Variants in ASIC2 observed in about 807,000 individuals in gnomAD.
ASIC2 encodes acid-sensing ion channel 2.
A neutral mutation model predicts 57.3 loss-of-function variants in ASIC2; 25 were observed. The observed-to-expected ratio is 0.44, with a 90% confidence interval of 0.32 to 0.61. The LOEUF (loss-of-function observed/expected upper bound fraction) is 0.61, where lower values mean the gene tolerates loss of function less well. Among genes scored for constraint, ASIC2 ranks in the 20% least tolerant of loss-of-function variants. ASIC2 has a pLI of 0.06. For missense variants in ASIC2, 641 were observed against 738.1 expected, an observed-to-expected ratio of 0.87 and a Z score of 1.52; for synonymous variants, 319 against 307.5, an observed-to-expected ratio of 1.04 and a Z score of -0.39.
rs1913831186 is a variant in ASIC2, at chr17:33,853,509, C to T, written c.555+302469G>A. Reference sequence around the variant, plus strand: ...CTGTAAAGGGACAATGTGACCTGGACCGTCTCTAAGCGACAACTCCAGTTC... The same window carrying T: ...CTGTAAAGGGACAATGTGACCTGGATCGTCTCTAAGCGACAACTCCAGTTC... On this transcript the variant is annotated intron_variant, in intron 1 of 9. Coordinates refer to the ASIC2 transcript ENST00000359872. Among the ~76,000 whole-genome samples the T allele has an allele frequency of 2.0e-5, 3 of 152,166 alleles. No individual in the cohort carries two copies. In the South Asian group the frequency reaches 6.2e-4, roughly 32 times the overall value.
intron 1 of ASIC2, among the ~76,000 whole-genome samples, chr17:34,127,598 A>G (rs1911826216): frequency 3.3e-5 from 5 of 152,088 alleles, no homozygotes; most frequent in Admixed American, 3.3e-4. Context: ...GAAGGCATGG[A>G]GTGCAGGGAC....
intron 1 of ASIC2, among the ~76,000 whole-genome samples, chr17:34,138,390 C>G (rs1288766992): frequency 1.3e-5 from 2 of 152,102 alleles, no homozygotes; most frequent in Non-Finnish European, 2.9e-5. Context: ...CCTTTGCTGC[C>G]CCACCTCTCC....
chr17:33,876,684 C>T (rs988270367), intron 1 of ASIC2, among the ~76,000 whole-genome samples: 5 of 152,186 alleles, frequency 3.3e-5, no homozygotes, highest in African/African-American at 1.2e-4. Context: ...GAATTTGAAC[C>T]AAGTCTGCTT....
intron 1 of ASIC2, among the ~76,000 whole-genome samples, chr17:33,739,810 AAG>A (rs1484121933): frequency 6.6e-6 from 1 of 151,716 alleles, no homozygotes; most frequent in Non-Finnish European, 1.5e-5. Context: ...GAAAGAAAGA[AAG>A]AGAGAAAGAA....
chr17:33,767,098 A>T (rs1047589053), intron 1 of ASIC2, among the ~76,000 whole-genome samples: 1 of 152,220 alleles, frequency 6.6e-6, no homozygotes, highest in Non-Finnish European at 1.5e-5. Flanking sequence ...GATTCAGTGC[A>T]TCTGCTCTGC....
intron 1 of ASIC2, among the ~76,000 whole-genome samples, chr17:34,122,782 A>G (rs968495782): frequency 6.6e-6 from 1 of 152,250 alleles, no homozygotes; most frequent in African/African-American, 2.4e-5. Flanking sequence ...TAAAAACACA[A>G]GCTGCTCAGG....
At chr17:33,352,357 A>T (rs576004251) in intron 1 of ASIC2, among the ~76,000 whole-genome samples, 7 of 152,130 alleles carry the variant, frequency 4.6e-5, no homozygotes, top group Non-Finnish European at 7.4e-5. Flanking sequence ...CCCCTCCATG[A>T]GATGCACTTG....
chr17:33,959,754 T>A (rs1904859698), intron 1 of ASIC2, among the ~76,000 whole-genome samples: 1 of 152,372 alleles, frequency 6.6e-6, no homozygotes, highest in South Asian at 2.1e-4. Flanking sequence ...AAGGTTGGTC[T>A]GCCTCTCCCA....
intron 1 of ASIC2, among the ~76,000 whole-genome samples, chr17:33,675,057 G>A (rs577423385): frequency 9.8e-5 from 15 of 152,320 alleles, no homozygotes; most frequent in African/African-American, 2.9e-4. Context: ...AAATAAAAGC[G>A]TCCGCCTTCT....
intron 1 of ASIC2, among the ~76,000 whole-genome samples, chr17:33,823,909 C>T (rs2141894870): frequency 6.6e-6 from 1 of 152,294 alleles, no homozygotes; most frequent in African/African-American, 2.4e-5. Flanking sequence ...TAGTTATATT[C>T]TATGGATGTG....
intron 1 of ASIC2, among the ~76,000 whole-genome samples, chr17:33,929,315 C>T (rs1046472101): frequency 5.9e-5 from 9 of 152,220 alleles, no homozygotes; most frequent in African/African-American, 1.9e-4. Flanking sequence ...TTAGTGCTCA[C>T]TCCCAAGTTC....
chr17:33,297,325 C>G (rs1380986619), upstream of ASIC2, among the ~76,000 whole-genome samples: 2 of 152,214 alleles, frequency 1.3e-5, no homozygotes, highest in Non-Finnish European at 2.9e-5. Context: ...CCCTTTTACT[C>G]TTGATCTGGT....
rs570149593 is a variant in ASIC2 at position 33,980,362 on chromosome 17, G to T, written c.555+175616C>A. Among the ~76,000 whole-genome samples the T allele has an allele frequency of 1.5e-4, 23 of 152,284 alleles. No homozygotes were observed. In the Middle Eastern group the frequency reaches 0.01, roughly 68 times the overall value. ...TCTCTACCACTTGACCAGGATCAAA[G>T]AACTTCCCCAGATGAGCTTAGACAC... On this transcript the variant is annotated intron_variant, in intron 1 of 9. Transcript: ENST00000359872.
chr17:34,088,894 G>A (rs1027316289), intron 1 of ASIC2, among the ~76,000 whole-genome samples: 29 of 152,204 alleles, frequency 1.9e-4, no homozygotes, highest in Admixed American at 7.8e-4. Flanking sequence ...TCGGAAAAGC[G>A]CGGTATTTGG....
intron 1 of ASIC2, among the ~76,000 whole-genome samples, chr17:33,883,256 TA>T (rs1029477460): frequency 1.3e-5 from 2 of 152,014 alleles, no homozygotes; most frequent in African/African-American, 2.4e-5. Context: ...ATAATATTAA[TA>T]AAAAAAGTCT....
chr17:33,489,697 A>G (rs1261945350), intron 1 of ASIC2, among the ~76,000 whole-genome samples: 2 of 152,216 alleles, frequency 1.3e-5, no homozygotes, highest in Non-Finnish European at 2.9e-5. Flanking sequence ...CTGTTCACAA[A>G]AATGAACTTC....
At chr17:33,266,487 G>A (rs1909463228) in intron 1 of ASIC2, among the ~76,000 whole-genome samples, 1 of 152,194 alleles carries the variant, frequency 6.6e-6, no homozygotes, top group South Asian at 2.1e-4. Context: ...GTTTAAAAAA[G>A]CAAAAGAGAG....
chr17:34,065,568 T>G (rs1373702424), intron 1 of ASIC2, among the ~76,000 whole-genome samples: 1 of 152,158 alleles, frequency 6.6e-6, no homozygotes, highest in Non-Finnish European at 1.5e-5. Flanking sequence ...TTCCAAAGCC[T>G]ATACACCTTT....
At chr17:33,614,122 CCA>C (rs1488266705) in intron 1 of ASIC2, among the ~76,000 whole-genome samples, 1 of 152,088 alleles carries the variant, frequency 6.6e-6, no homozygotes, top group African/African-American at 2.4e-5. Flanking sequence ...TTAATTTTTT[CCA>C]GTTTTGTAGT....
Sources: allele counts gnomAD v4.1 joint callset (sites outside exome capture counted in the v4.1 genomes callset), GRCh38; gene constraint gnomAD v4.1.1; transcripts MANE v1.5; gene names NCBI Gene and HGNC (gene_info 2026-07-23, HGNC 2026-07-21).